The following DLGAP2 variants were observed in gnomAD, a reference collection of about 807,000 sequenced individuals.
DLGAP2 encodes the protein disks large-associated protein 2.
Under a neutral mutation model 100.3 loss-of-function variants are expected in DLGAP2, and 26 were observed. That is an observed-to-expected ratio of 0.26 (90% CI 0.19 to 0.36). The LOEUF is 0.36. Among genes scored for constraint, DLGAP2 ranks in the 10% least tolerant of loss-of-function variants. DLGAP2 has a pLI of 1.00. For synonymous variants in DLGAP2, 886 were observed against 630.1 expected (o/e 1.41, Z -6.08); for missense variants, 1,858 against 1,453.2 (o/e 1.28, Z -4.53).
intron 1 of DLGAP2, among the ~76,000 whole-genome samples, chr8:782,667 C>G (rs1372786898): frequency 6.6e-6 from 1 of 152,144 alleles, no homozygotes; most frequent in Non-Finnish European, 1.5e-5. Flanking sequence ...GTTGAGGGCC[C>G]CCACCCCTGA....
chr8:848,097 C>T (rs1046838021), intron 1 of DLGAP2, among the ~76,000 whole-genome samples: 1 of 152,152 alleles, frequency 6.6e-6, no homozygotes, highest in Admixed American at 6.5e-5. Context: ...CCTGCCTGTT[C>T]TCTGTCTGTC....
At chr8:886,259 TTCTC>T (rs563372117) in intron 1 of DLGAP2, among the ~76,000 whole-genome samples, 323 of 152,342 alleles carry the variant, frequency 2.1e-3, no homozygotes, top group Non-Finnish European at 3.8e-3. Context: ...TCTTTGATTC[TTCTC>T]TCTCTTTTTC....
intron 3 of DLGAP2, among the ~76,000 whole-genome samples, chr8:1,275,831 A>AATATAGAATATATAAAT (rs1799673778): frequency 3.1e-5 from 2 of 64,834 alleles, no homozygotes; most frequent in African/African-American, 1.2e-4. Context: ...TATAAAAATA[A>AATATAGAATATATAAAT]ATATATAATA....
chr8:873,621 C>A (rs546848697), intron 1 of DLGAP2, among the ~76,000 whole-genome samples: 1 of 152,094 alleles, frequency 6.6e-6, no homozygotes, highest in East Asian at 1.9e-4. Context: ...ATGAGATATT[C>A]ATCTTTAGCC....
At chr8:1,508,005 G>A (rs1023577828) in intron 4 of DLGAP2, among the ~76,000 whole-genome samples, 2 of 151,970 alleles carry the variant, frequency 1.3e-5, no homozygotes, top group African/African-American at 4.8e-5. Context: ...CAGGAAAGGG[G>A]CCCTGAGGTG....
At chr8:1,283,524 C>T (rs1799862929) in intron 3 of DLGAP2, among the ~76,000 whole-genome samples, 2 of 152,348 alleles carry the variant, frequency 1.3e-5, no homozygotes, top group Middle Eastern at 3.4e-3. Context: ...CTGCAGAAGA[C>T]AGTTCCTTTC....
At chr8:1,008,763 G>C (rs144021500) in intron 2 of DLGAP2, among the ~76,000 whole-genome samples, 1 of 152,332 alleles carries the variant, frequency 6.6e-6, no homozygotes, top group African/African-American at 2.4e-5. Context: ...GGGTCCGTCA[G>C]GGAGCAACCT....
chr8:954,710 A>G (rs1293828650), intron 2 of DLGAP2, among the ~76,000 whole-genome samples: 1 of 152,218 alleles, frequency 6.6e-6, no homozygotes, highest in Non-Finnish European at 1.5e-5. Flanking sequence ...CAACCATAAT[A>G]AAAATCAAGG....
intron 4 of DLGAP2, among the ~76,000 whole-genome samples, chr8:1,506,748 T>C (rs1799934316): frequency 6.6e-6 from 1 of 152,198 alleles, no homozygotes; most frequent in East Asian, 1.9e-4. Flanking sequence ...AGGGTGCTGA[T>C]TGGTGCATTT....
At chr8:1,600,566 T>C (rs1298205474) in intron 6 of DLGAP2, among the ~76,000 whole-genome samples, 1 of 152,168 alleles carries the variant, frequency 6.6e-6, no homozygotes, top group Non-Finnish European at 1.5e-5. Context: ...AGGCTTTGTT[T>C]GTTCCTTTTT....
At chr8:824,018 A>G (rs34035481) in intron 1 of DLGAP2, among the ~76,000 whole-genome samples, 40,239 of 141,072 alleles carry the variant, frequency 0.29, 5,990 homozygotes, top group African/African-American at 0.41. Context: ...CTGGGACAAC[A>G]TTTCTTCTTC....
chr8:1,420,939 G>C (rs767812791), intron 3 of DLGAP2, among the ~76,000 whole-genome samples: 6 of 152,106 alleles, frequency 3.9e-5, no homozygotes, highest in Non-Finnish European at 8.8e-5. Flanking sequence ...TCATTCGATT[G>C]GCTGTTTTGA....
At chr8:1,415,146 G>A (rs189047461) in intron 3 of DLGAP2, among the ~76,000 whole-genome samples, 7 of 152,288 alleles carry the variant, frequency 4.6e-5, no homozygotes, top group African/African-American at 1.4e-4. Flanking sequence ...ACACACATGC[G>A]TACAAACAGG....
At chr8:861,127 C>A (rs949382586) in intron 1 of DLGAP2, among the ~76,000 whole-genome samples, 2 of 152,040 alleles carry the variant, frequency 1.3e-5, no homozygotes, top group African/African-American at 4.8e-5. Context: ...GTGCAGGGCT[C>A]AATCTGGGAA....
At chr8:1,479,507 G>A (rs1001321004) in intron 3 of DLGAP2, among the ~76,000 whole-genome samples, 4 of 152,182 alleles carry the variant, frequency 2.6e-5, no homozygotes, top group Admixed American at 2.6e-4. Flanking sequence ...CATCCTGAAA[G>A]GGGGTGGGGA....
intron 3 of DLGAP2, among the ~76,000 whole-genome samples, chr8:1,374,288 T>C (rs1802337137): frequency 6.6e-6 from 1 of 152,002 alleles, no homozygotes; most frequent in Admixed American, 6.5e-5. Context: ...GGCTGTGTGG[T>C]GGAGGTGGGG....
intron 3 of DLGAP2, among the ~76,000 whole-genome samples, chr8:1,358,541 C>G (rs1361769892): frequency 1.3e-5 from 2 of 152,296 alleles, no homozygotes; most frequent in African/African-American, 4.8e-5. Context: ...CATTCCTTAA[C>G]ATCACGCTGG....
intron 2 of DLGAP2, among the ~76,000 whole-genome samples, chr8:1,169,320 C>T (rs976636619): frequency 1.1e-3 from 167 of 152,276 alleles, no homozygotes; most frequent in African/African-American, 3.7e-3. Context: ...TAGCGTGATG[C>T]CTCCAGCTTT....
chr8:1,616,386 C>T (rs1446632812), intron 6 of DLGAP2, among the ~76,000 whole-genome samples: 4 of 152,034 alleles, frequency 2.6e-5, no homozygotes, highest in African/African-American at 4.8e-5. Flanking sequence ...AATCCACAGA[C>T]CCAAAATGCT....
Sources: gnomAD v4.1 joint callset for allele counts (sites outside exome capture counted in the v4.1 genomes callset) on GRCh38, gnomAD v4.1.1 for gene constraint, MANE v1.5 for transcripts, NCBI Gene and HGNC (gene_info 2026-07-23, HGNC 2026-07-21) for gene names.